MYLK4: variants seen among roughly 807,000 people sequenced by gnomAD.
The protein encoded by MYLK4 is myosin light chain kinase family member 4.
Under a neutral mutation model 48.1 loss-of-function variants are expected in MYLK4, and 46 were observed. The ratio of observed to expected loss-of-function variants is 0.96; its 90% CI spans 0.75 to 1.22. The LOEUF (loss-of-function observed/expected upper bound fraction) is 1.22, where lower values mean the gene tolerates loss of function less well. MYLK4 is among the 50% of genes most tolerant of loss of function. MYLK4 has a pLI of 0.00. For missense variants in MYLK4, 451 were observed against 486.1 expected, an observed-to-expected ratio of 0.93 and a Z score of 0.68; for synonymous variants, 170 against 180.8, an observed-to-expected ratio of 0.94 and a Z score of 0.48.
intron 9 of MYLK4, among the ~76,000 whole-genome samples, chr6:2,678,703 G>A (rs1489733854): frequency 1.4e-5 from 2 of 147,670 alleles, no homozygotes. Flanking sequence ...GAGTCATTTA[G>A]GAGATCAGTT....
chr6:2,730,407 CCA>C (rs1763437744), intron 2 of MYLK4, among the ~76,000 whole-genome samples: 1 of 152,148 alleles, frequency 6.6e-6, no homozygotes, highest in African/African-American at 2.4e-5. Flanking sequence ...CTGAAAATTC[CCA>C]GTTTTCCTTC....
At chr6:2,768,626 C>T in the MYLK4 span, 10 of 1,395,742 alleles carry the variant, frequency 7.2e-6, no homozygotes, top group South Asian at 9.5e-5. Context: ...GTGGTGGTTC[C>T]CATGGGTGCT....
the MYLK4 span, among the ~76,000 whole-genome samples, chr6:2,769,409 T>TA: frequency 4.0e-5 from 6 of 151,588 alleles, no homozygotes; most frequent in East Asian, 1.9e-4. Context: ...CTTAGGGATT[T>TA]AAAAAAAAAT....
upstream of MYLK4, among the ~76,000 whole-genome samples, chr6:2,752,587 A>G (rs189764594): frequency 6.6e-6 from 1 of 152,294 alleles, no homozygotes; most frequent in Admixed American, 6.5e-5. Flanking sequence ...GGCTGTGGGA[A>G]GGGCAACTCT....
At chr6:2,726,430 T>C (rs1016595876) in intron 2 of MYLK4, among the ~76,000 whole-genome samples, 1 of 152,042 alleles carries the variant, frequency 6.6e-6, no homozygotes, top group Admixed American at 6.6e-5. Context: ...CAGGGGCTGC[T>C]TCCGTAAATT....
chr6:2,749,038 TA>T, intron 2 of MYLK4, 97 bp downstream of exon 2: 1 of 1,153,922 alleles, frequency 8.7e-7, no homozygotes, highest in Non-Finnish European at 1.2e-6. Flanking sequence ...TGCCTATTCA[TA>T]AACTTTCCTT....
At chr6:2,700,342 G>A (rs1448262130) in intron 2 of MYLK4, among the ~76,000 whole-genome samples, 1 of 152,140 alleles carries the variant, frequency 6.6e-6, no homozygotes, top group Non-Finnish European at 1.5e-5. Flanking sequence ...GTCTTGAGTG[G>A]GGCCAGAACA....
At chr6:2,695,641 A>T (rs912494199) in intron 2 of MYLK4, among the ~76,000 whole-genome samples, 1 of 152,214 alleles carries the variant, frequency 6.6e-6, no homozygotes, top group Non-Finnish European at 1.5e-5. Context: ...TCATTTCCCT[A>T]TGTAATACTG....
At position 2,750,808 on chromosome 6, in the gene MYLK4, A is replaced by C. The variant is rs934475139; in HGVS notation, c.-185T>G. On this transcript the variant is annotated 5_prime_UTR_variant, in exon 1 of 13. Coordinates refer to ENST00000274643, the MANE Select transcript of MYLK4 (RefSeq NM_001012418.5). Reference sequence around the variant, plus strand: ...CATACATTCCAGAAGATAAAGAGAAATTTTGCAGAATTCAAACTGACTATG... The same window carrying C: ...CATACATTCCAGAAGATAAAGAGAACTTTTGCAGAATTCAAACTGACTATG... 4 of 152,532 alleles carry C rather than the reference A, an allele frequency of 2.6e-5. No individual in the cohort carries two copies. Among genetic ancestry groups the C allele is most frequent in the African/African-American group, 9.6e-5 (4 of 41,466 alleles). 9.4% of individuals were successfully genotyped at this position (152,532 alleles called of 1,614,324 possible).
rs567967793 is a variant in MYLK4, at chr6:2,681,595, A to T, written c.688-1304T>A. Among the ~76,000 whole-genome samples, 68 of 152,364 alleles carry T rather than the reference A, an allele frequency of 4.5e-4. 1 individual carries two copies. The East Asian group carries it at 0.012, about 26-fold the overall frequency. On this transcript the variant is annotated intron_variant, in intron 7 of 12. Transcript: ENST00000274643. ...GATAAAATTAAACAATGTTCATTGG[A>T]TAAATTTTGCAAAACAGAAAAATAT...
chr6:2,761,630 T>C, the MYLK4 span, among the ~76,000 whole-genome samples: 1 of 152,214 alleles, frequency 6.6e-6, no homozygotes, highest in African/African-American at 2.4e-5. Context: ...TAGGCATTCT[T>C]ATTCCTCCTT....
At chr6:2,723,285 C>A (rs551111186) in intron 2 of MYLK4, among the ~76,000 whole-genome samples, 1 of 151,946 alleles carries the variant, frequency 6.6e-6, no homozygotes, top group Non-Finnish European at 1.5e-5. Flanking sequence ...GGAGTCAGAC[C>A]CTGTCTCAAA....
intron 4 of MYLK4, among the ~76,000 whole-genome samples, chr6:2,688,525 A>G (rs899440712): frequency 1.3e-5 from 2 of 152,242 alleles, no homozygotes; most frequent in African/African-American, 2.4e-5. Flanking sequence ...CACAAAAACT[A>G]CACGCTGTTG....
intron 4 of MYLK4, among the ~76,000 whole-genome samples, chr6:2,686,864 G>A (rs1761574321): frequency 6.6e-6 from 1 of 152,172 alleles, no homozygotes; most frequent in South Asian, 2.1e-4. Flanking sequence ...TTAATTGGTT[G>A]TTATGGAAAT....
intron 1 of MYLK4, among the ~76,000 whole-genome samples, chr6:2,749,758 C>G (rs1046737305): frequency 2.6e-5 from 4 of 152,084 alleles, no homozygotes. Context: ...GTTTTGCAGC[C>G]CCGTGGGAAG....
chr6:2,698,184 C>A lies in MYLK4; in HGVS notation c.160-5325G>T, dbSNP rs145048600. On this transcript the variant is annotated intron_variant, in intron 2 of 12. Coordinates refer to ENST00000274643, the MANE Select transcript of MYLK4 (RefSeq NM_001012418.5). Reference sequence around the variant, plus strand: ...GGCCAGATAGAAGAATGGAGGAGAACAAATATTTGTAATAATTTGTAGCTG... The same window carrying A: ...GGCCAGATAGAAGAATGGAGGAGAAAAAATATTTGTAATAATTTGTAGCTG... Among the ~76,000 whole-genome samples, 122 of 152,296 alleles carry A rather than the reference C, an allele frequency of 8.0e-4. No homozygotes were observed. The East Asian group carries it at 0.016, about 19-fold the overall frequency.
chr6:2,712,447 A>G (rs1421967328), intron 2 of MYLK4, among the ~76,000 whole-genome samples: 1 of 152,246 alleles, frequency 6.6e-6, no homozygotes, highest in Non-Finnish European at 1.5e-5. Context: ...TTCAAAGTAC[A>G]TCGCCAGTGA....
At chr6:2,719,156 G>A (rs1052416929) in intron 2 of MYLK4, among the ~76,000 whole-genome samples, 1 of 152,148 alleles carries the variant, frequency 6.6e-6, no homozygotes, top group Non-Finnish European at 1.5e-5. Flanking sequence ...GCTCTTCAAA[G>A]GGCAGGACAT....
chr6:2,695,469 G>C (rs1762026759), intron 2 of MYLK4, among the ~76,000 whole-genome samples: 1 of 152,184 alleles, frequency 6.6e-6, no homozygotes, highest in South Asian at 2.1e-4. Flanking sequence ...TTTGGGTTCG[G>C]AGTTGGACTT....
Sources: allele counts gnomAD v4.1 joint callset (sites outside exome capture counted in the v4.1 genomes callset), GRCh38; gene constraint gnomAD v4.1.1; transcripts MANE v1.5; gene names NCBI Gene and HGNC (gene_info 2026-07-23, HGNC 2026-07-21).